The following SUMF1 variants were observed in gnomAD, a reference collection of about 807,000 sequenced individuals.
SUMF1 encodes sulfatase modifying factor 1.
Under a neutral mutation model 47.6 loss-of-function variants are expected in SUMF1, and 48 were observed. The ratio of observed to expected loss-of-function variants is 1.01; its 90% CI spans 0.80 to 1.28. SUMF1 has a LOEUF of 1.28. SUMF1 is among the 50% of genes most tolerant of loss of function. SUMF1 has a pLI of 0.00. For missense variants in SUMF1, 571 were observed against 485.4 expected, an observed-to-expected ratio of 1.18 and a Z score of -1.66; for synonymous variants, 230 against 192.1, an observed-to-expected ratio of 1.20 and a Z score of -1.63.
At chr3:4,280,035 A>G (rs989511288) in intron 8 of SUMF1, among the ~76,000 whole-genome samples, 12 of 152,320 alleles carry the variant, frequency 7.9e-5, no homozygotes, top group African/African-American at 2.4e-4. Flanking sequence ...GCCATCTGTA[A>G]GAAGACAACA....
At chr3:4,291,972 G>A (rs1697750880) in intron 8 of SUMF1, among the ~76,000 whole-genome samples, 1 of 152,104 alleles carries the variant, frequency 6.6e-6, no homozygotes, top group African/African-American at 2.4e-5. Flanking sequence ...TTAGATACAA[G>A]GTTGCTTCCA....
At chr3:4,359,607 T>A (rs577120618), downstream of SUMF1, among the ~76,000 whole-genome samples, 4,448 of 152,140 alleles carry the variant, frequency 0.029, 198 homozygotes, top group African/African-American at 0.1. Context: ...ACAATCATGG[T>A]GGAAGGCACC....
intron 7 of SUMF1, among the ~76,000 whole-genome samples, chr3:4,396,736 C>T (rs1031233748): frequency 6.6e-6 from 1 of 152,082 alleles, no homozygotes; most frequent in African/African-American, 2.4e-5. Context: ...GTGCCTCATT[C>T]GAGGGCCTCA....
intron 3 of SUMF1, among the ~76,000 whole-genome samples, chr3:4,438,914 A>C (rs550455300): frequency 6.6e-6 from 1 of 152,352 alleles, no homozygotes; most frequent in East Asian, 1.9e-4. Flanking sequence ...AGACAGCCCC[A>C]ACACATTTCA....
chr3:4,155,312 T>C (rs1444053), intron 8 of SUMF1, among the ~76,000 whole-genome samples: 39,015 of 151,166 alleles, frequency 0.26, 5,979 homozygotes, highest in East Asian at 0.39. Flanking sequence ...AGACACTCTT[T>C]CCATGTTTGA....
chr3:4,361,989 T>C lies in SUMF1; in HGVS notation c.*155A>G. ...ACATGCACTGACCCAGGTCAGCAAT[T>C]TGGTCTCACAAGGCGGTTCCTTTGG... On this transcript the variant is annotated 3_prime_UTR_variant, in exon 9 of 9. Transcript: ENST00000272902. 1 of 662,156 alleles carries C rather than the reference T, an allele frequency of 1.5e-6. No homozygotes were observed. The highest frequency in any genetic ancestry group is 2.7e-6 in the Non-Finnish European group (1 of 368,682). 41.0% of individuals were successfully genotyped at this position (662,156 alleles called of 1,614,324 possible). A position where few individuals can be genotyped will look rare whatever the true frequency, so the allele number is the denominator to read the frequency against.
At chr3:4,253,130 G>C (rs191292603) in intron 8 of SUMF1, among the ~76,000 whole-genome samples, 12 of 152,166 alleles carry the variant, frequency 7.9e-5, no homozygotes. Context: ...AAAGGCTTTT[G>C]GGTTATGACA....
At chr3:4,171,511 G>C (rs1447391182) in intron 8 of SUMF1, among the ~76,000 whole-genome samples, 1 of 152,146 alleles carries the variant, frequency 6.6e-6, no homozygotes, top group Non-Finnish European at 1.5e-5. Flanking sequence ...AGACAATTAT[G>C]TCAAAAATAA....
At chr3:4,170,012 G>T (rs542982361) in intron 8 of SUMF1, among the ~76,000 whole-genome samples, 2 of 152,260 alleles carry the variant, frequency 1.3e-5, no homozygotes, top group African/African-American at 2.4e-5. Flanking sequence ...TTAGATGTGG[G>T]AGAGGTGAGA....
chr3:4,398,981 T>C (rs1701122649), intron 7 of SUMF1, among the ~76,000 whole-genome samples: 1 of 152,114 alleles, frequency 6.6e-6, no homozygotes, highest in African/African-American at 2.4e-5. Context: ...GCAAATCAAG[T>C]TCAAAATCCG....
intron 8 of SUMF1, chr3:4,313,221 G>A (rs374002434): frequency 3.1e-6 from 5 of 1,613,904 alleles, no homozygotes; most frequent in Middle Eastern, 1.6e-4. Flanking sequence ...AATTTATACC[G>A]AAAGGAAGGT....
At chr3:4,393,884 G>C (rs1700957446) in intron 7 of SUMF1, among the ~76,000 whole-genome samples, 1 of 151,868 alleles carries the variant, frequency 6.6e-6, no homozygotes, top group African/African-American at 2.4e-5. Flanking sequence ...TTCTGTATTA[G>C]TGAATCACTT....
Position 4,273,761 on chromosome 3 carries a change from G to GGGAGGATACGGGA in SUMF1, c.1014+102568_1014+102569insTCCCGTATCCTCC, listed in dbSNP as rs1697354124. Among the ~76,000 whole-genome samples the GGGAGGATACGGGA allele has an allele frequency of 7.2e-5, 4 of 55,444 alleles. 1 individual carries two copies. The highest frequency in any genetic ancestry group is 5.6e-4 in the East Asian group (1 of 1,776). The allele number at this position is 55,444 out of a possible 152,430, so 36.4% of individuals were successfully genotyped here. ...AGGATACGGGAGGGAGGATACGGGA[G>GGGAGGATACGGGA]GGGAGGATACGGGAGGGGAGGATAC... On this transcript the variant is annotated intron_variant and NMD_transcript_variant, in intron 8 of 12. Transcript: ENST00000448413.
chr3:4,065,242 TG>T (rs1243199155), intron 9 of SUMF1, among the ~76,000 whole-genome samples: 1 of 152,072 alleles, frequency 6.6e-6, no homozygotes, highest in African/African-American at 2.4e-5. Context: ...TTTTCTGCAA[TG>T]AGACAGAGAA....
At chr3:4,193,610 A>G (rs937167111) in intron 8 of SUMF1, among the ~76,000 whole-genome samples, 6 of 152,186 alleles carry the variant, frequency 3.9e-5, no homozygotes, top group Admixed American at 6.6e-5. Flanking sequence ...ATAAACAGCT[A>G]TAGCCAGGAG....
chr3:4,333,290 C>T (rs1575105778), intron 8 of SUMF1, among the ~76,000 whole-genome samples: 1 of 152,224 alleles, frequency 6.6e-6, no homozygotes, highest in African/African-American at 2.4e-5. Context: ...TCAGCTCCTG[C>T]ACCTGTCTGT....
intron 8 of SUMF1, among the ~76,000 whole-genome samples, chr3:4,215,736 C>T (rs1695908727): frequency 6.6e-6 from 1 of 152,242 alleles, no homozygotes; most frequent in African/African-American, 2.4e-5. Flanking sequence ...CACAAGCATT[C>T]CTATACACCA....
In SUMF1 at chr3:4,273,395, T is replaced by G. The variant is rs578255017; in HGVS notation, c.1014+102935A>C. ...TACAACATGAATGAACTTCAAAATA[T>G]GCTTTAAAACCCTAAAGCAACAGAC... On this transcript the variant is annotated intron_variant and NMD_transcript_variant, in intron 8 of 12. Transcript: ENST00000448413. Among the ~76,000 whole-genome samples the G allele has an allele frequency of 1.7e-3, 259 of 152,238 alleles. 9 individuals are homozygous for G. In the South Asian group the frequency reaches 0.053, roughly 31 times the overall value.
At chr3:4,409,313 G>C (rs540630762) in intron 7 of SUMF1, among the ~76,000 whole-genome samples, 1 of 152,184 alleles carries the variant, frequency 6.6e-6, no homozygotes, top group Admixed American at 6.5e-5. Flanking sequence ...AGCAAAGGAG[G>C]CCACTGGGAC....
Sources: allele counts gnomAD v4.1 joint callset (sites outside exome capture counted in the v4.1 genomes callset), GRCh38; gene constraint gnomAD v4.1.1; transcripts MANE v1.5; gene names NCBI Gene and HGNC (gene_info 2026-07-23, HGNC 2026-07-21).